Variants in PLCXD3 observed in about 807,000 individuals in gnomAD.
PLCXD3 encodes the protein PI-PLC X domain-containing protein 3.
In PLCXD3, 19 loss-of-function variants were observed where a neutral mutation model predicts 25.5. That is an observed-to-expected ratio of 0.75 (90% CI 0.52 to 1.09). The LOEUF (loss-of-function observed/expected upper bound fraction) is 1.09, where lower values mean the gene tolerates loss of function less well. PLCXD3 is among the 50% of genes least tolerant of loss of function. The pLI, the probability that PLCXD3 is intolerant of heterozygous loss-of-function variation, is 0.00. For synonymous variants in PLCXD3, 174 were observed against 137.6 expected (o/e 1.26, Z -1.85); for missense variants, 411 against 388.1 (o/e 1.06, Z -0.50).
At chr5:41,410,757 A>G (rs1362731331) in intron 1 of PLCXD3, among the ~76,000 whole-genome samples, 1 of 152,244 alleles carries the variant, frequency 6.6e-6, no homozygotes, top group African/African-American at 2.4e-5. Flanking sequence ...AACAAAAGTC[A>G]GTGCCATATA....
chr5:41,370,641 T>A (rs1455793591), intron 2 of PLCXD3, among the ~76,000 whole-genome samples: 1 of 152,118 alleles, frequency 6.6e-6, no homozygotes, highest in African/African-American at 2.4e-5. Context: ...AGAGTCACCC[T>A]TGTTTATCAG....
intron 1 of PLCXD3, among the ~76,000 whole-genome samples, chr5:41,407,371 G>A (rs919422679): frequency 6.6e-6 from 1 of 152,060 alleles, no homozygotes; most frequent in Non-Finnish European, 1.5e-5. Flanking sequence ...AATACATGAT[G>A]ATCAACATGA....
At chr5:41,452,289 C>T (rs762222862) in intron 1 of PLCXD3, among the ~76,000 whole-genome samples, 9 of 151,916 alleles carry the variant, frequency 5.9e-5, no homozygotes, top group Non-Finnish European at 8.8e-5. Flanking sequence ...TAAGGAATGG[C>T]AAAGGGGAAC....
rs556763528 is a variant in PLCXD3, at chr5:41,325,450, A to G, written c.813-11680T>C. On this transcript the variant is annotated intron_variant, in intron 2 of 2. Coordinates refer to ENST00000377801, the MANE Select transcript of PLCXD3 (RefSeq NM_001005473.3). ...TAGCATTTCTTAATCTTTTATCATT[A>G]TTACCTCCCAAGGAGCTTTTTTGAA... Among the ~76,000 whole-genome samples, 10 of 152,312 alleles carry G rather than the reference A, an allele frequency of 6.6e-5. No homozygotes were observed. In the South Asian group the frequency reaches 1.9e-3, roughly 28 times the overall value.
At chr5:41,504,532 G>A (rs1749016672) in intron 1 of PLCXD3, among the ~76,000 whole-genome samples, 1 of 152,194 alleles carries the variant, frequency 6.6e-6, no homozygotes, top group Non-Finnish European at 1.5e-5. Flanking sequence ...GTTGGCATCA[G>A]CAGCTTCCAC....
chr5:41,432,377 C>A (rs760966635), intron 1 of PLCXD3, among the ~76,000 whole-genome samples: 6 of 152,140 alleles, frequency 3.9e-5, no homozygotes, highest in Non-Finnish European at 7.4e-5. Flanking sequence ...TTGGCTATCA[C>A]TGTTTTTCTG....
At chr5:41,416,325 T>A (rs961146895) in intron 1 of PLCXD3, among the ~76,000 whole-genome samples, 3 of 152,210 alleles carry the variant, frequency 2.0e-5, no homozygotes, top group African/African-American at 7.2e-5. Flanking sequence ...CAACTTTACT[T>A]TCAACCAGGA....
At chr5:41,344,297 T>G (rs1580313542) in intron 2 of PLCXD3, among the ~76,000 whole-genome samples, 1 of 152,126 alleles carries the variant, frequency 6.6e-6, no homozygotes, top group African/African-American at 2.4e-5. Context: ...ATGCGACTTA[T>G]TTTTAGAAAG....
intron 1 of PLCXD3, among the ~76,000 whole-genome samples, chr5:41,442,078 A>G (rs181799327): frequency 6.6e-6 from 1 of 152,350 alleles, no homozygotes; most frequent in East Asian, 1.9e-4. Flanking sequence ...AGATCAGCAA[A>G]AGATTCTAGA....
At chr5:41,327,798 T>G (rs1365793788) in intron 2 of PLCXD3, among the ~76,000 whole-genome samples, 1 of 152,162 alleles carries the variant, frequency 6.6e-6, no homozygotes, top group African/African-American at 2.4e-5. Flanking sequence ...TTTCTTTTCA[T>G]TAGATGTTGG....
At position 41,308,527 on chromosome 5, in the gene PLCXD3, C is replaced by T. The variant is rs1743053669; in HGVS notation, c.*5090G>A. 1 of 105,326 alleles carries T rather than the reference C, an allele frequency of 9.5e-6. No individual in the cohort carries two copies. The highest frequency in any genetic ancestry group is 2.1e-5 in the Non-Finnish European group (1 of 46,642). The allele number at this position is 105,326 out of a possible 1,614,324, so 6.5% of individuals were successfully genotyped here. ...TCAAGCATGACCACATGTGTAGATCCTTGTCAGTCATGAGTTTTCTATTGC... is the reference window on the plus strand; with the variant it reads ...TCAAGCATGACCACATGTGTAGATCTTTGTCAGTCATGAGTTTTCTATTGC... On this transcript the variant is annotated 3_prime_UTR_variant, in exon 3 of 3. Transcript: ENST00000377801.
At chr5:41,491,915 G>C (rs889635217) in intron 1 of PLCXD3, among the ~76,000 whole-genome samples, 1 of 152,104 alleles carries the variant, frequency 6.6e-6, no homozygotes, top group African/African-American at 2.4e-5. Flanking sequence ...CTTTTAATTG[G>C]AGTATTTAGT....
intron 2 of PLCXD3, among the ~76,000 whole-genome samples, chr5:41,322,662 G>A (rs1296130679): frequency 6.6e-6 from 1 of 152,186 alleles, no homozygotes; most frequent in Non-Finnish European, 1.5e-5. Context: ...CAACCTAAAT[G>A]TTCATCAACA....
intron 1 of PLCXD3, among the ~76,000 whole-genome samples, chr5:41,507,705 T>A (rs1749081249): frequency 6.6e-6 from 1 of 152,208 alleles, no homozygotes; most frequent in Non-Finnish European, 1.5e-5. Context: ...TAAGACAACC[T>A]GAAGCTTTGA....
chr5:41,384,238 G>C (rs982188488), intron 1 of PLCXD3, among the ~76,000 whole-genome samples: 1 of 152,048 alleles, frequency 6.6e-6, no homozygotes, highest in Non-Finnish European at 1.5e-5. Flanking sequence ...GTTAGGTTCT[G>C]ATTGGCAAAT....
rs1460275444 is a variant in PLCXD3 at position 41,312,669 on chromosome 5, TC to T, written c.*947del. On this transcript the variant is annotated 3_prime_UTR_variant, in exon 3 of 3. Transcript: ENST00000377801. ...CTCCCTTCTTCCCTCCCTTCCTCCC[TC>T]CCTTCCTTTCTTCCTTTCCTTCCTT... is the stretch of plus-strand genomic sequence containing the variant. 7.1e-4 allele frequency: 90 copies of T among 125,968 alleles called. No individual in the cohort carries two copies. The highest frequency in any genetic ancestry group is 2.7e-3 in the African/African-American group (90 of 33,610). 7.8% of individuals were successfully genotyped at this position (125,968 alleles called of 1,614,324 possible).
intron 1 of PLCXD3, among the ~76,000 whole-genome samples, chr5:41,483,711 A>G (rs1398894314): frequency 1.3e-5 from 2 of 152,190 alleles, no homozygotes; most frequent in African/African-American, 4.8e-5. Context: ...GGTAAATTTT[A>G]CATTATGTAT....
intron 1 of PLCXD3, among the ~76,000 whole-genome samples, chr5:41,387,669 G>C (rs1047551276): frequency 9.9e-5 from 15 of 152,034 alleles, no homozygotes; most frequent in African/African-American, 3.6e-4. Context: ...TTTTGTAAAT[G>C]TTTTCTTCAA....
chr5:41,448,740 G>C (rs1307593736), intron 1 of PLCXD3, among the ~76,000 whole-genome samples: 1 of 152,100 alleles, frequency 6.6e-6, no homozygotes, highest in Non-Finnish European at 1.5e-5. Flanking sequence ...AAATAGAGGA[G>C]AAGCTCAGTA....
Sources: gnomAD v4.1 joint callset for allele counts (sites outside exome capture counted in the v4.1 genomes callset) on GRCh38, gnomAD v4.1.1 for gene constraint, MANE v1.5 for transcripts, NCBI Gene and HGNC (gene_info 2026-07-23, HGNC 2026-07-21) for gene names.